Variants in DGKB observed in about 807,000 individuals in gnomAD.
The protein encoded by DGKB is diacylglycerol kinase beta.
A neutral mutation model predicts 114.3 loss-of-function variants in DGKB; 67 were observed. The ratio of observed to expected loss-of-function variants is 0.59; its 90% CI spans 0.48 to 0.72. DGKB has a LOEUF of 0.72. DGKB is among the 30% of genes least tolerant of loss of function. The pLI is 0.00. For missense variants in DGKB, 907 were observed against 975.2 expected (o/e 0.93, Z 0.93); for synonymous variants, 398 against 323.1 (o/e 1.23, Z -2.49).
intron 13 of DGKB, among the ~76,000 whole-genome samples, chr7:14,642,952 G>A (rs1449384038): frequency 6.6e-6 from 1 of 152,104 alleles, no homozygotes; most frequent in Non-Finnish European, 1.5e-5. Context: ...TAATGCTCAT[G>A]TATGGCTATA....
chr7:14,851,523 A>G (rs1048737649), intron 1 of DGKB, among the ~76,000 whole-genome samples: 3 of 152,104 alleles, frequency 2.0e-5, no homozygotes, highest in African/African-American at 4.8e-5. Context: ...GATAGATCCT[A>G]TTTTCCAAGA....
At chr7:14,598,726 ATAAAG>A (rs1266899939) in intron 17 of DGKB, among the ~76,000 whole-genome samples, 6 of 152,180 alleles carry the variant, frequency 3.9e-5, no homozygotes, top group Admixed American at 3.3e-4. Flanking sequence ...AAAATCTATT[ATAAAG>A]TAAATATTTA....
At chr7:14,733,835 A>T (rs78846875) in intron 5 of DGKB, among the ~76,000 whole-genome samples, 8,336 of 151,708 alleles carry the variant, frequency 0.055, 322 homozygotes, top group Admixed American at 0.11. Context: ...GGAGGGAAGG[A>T]AGAAAGGAAG....
chr7:14,639,165 C>A (rs539159027), intron 13 of DGKB, among the ~76,000 whole-genome samples: 1 of 151,962 alleles, frequency 6.6e-6, no homozygotes, highest in South Asian at 2.1e-4. Context: ...AGCTCTGGAA[C>A]TGGATAACAT....
At chr7:14,557,902 A>C (rs897372819) in intron 20 of DGKB, among the ~76,000 whole-genome samples, 15 of 151,654 alleles carry the variant, frequency 9.9e-5, no homozygotes, top group African/African-American at 3.1e-4. Flanking sequence ...ATTTTCCTGC[A>C]ACATTGGTTG....
At chr7:14,576,196 T>C (rs966970715) in intron 19 of DGKB, among the ~76,000 whole-genome samples, 2 of 152,194 alleles carry the variant, frequency 1.3e-5, no homozygotes, top group African/African-American at 4.8e-5. Flanking sequence ...TTTTACAGTA[T>C]AATTTGAAGC....
chr7:14,768,430 A>G lies in DGKB; in HGVS notation c.71-10699T>C, dbSNP rs115242825. Among the ~76,000 whole-genome samples, 996 of 148,118 alleles carry G rather than the reference A, an allele frequency of 6.7e-3. 12 individuals carry two copies. The highest frequency in any genetic ancestry group is 0.025 in the African/African-American group (943 of 38,090). On this transcript the variant is annotated intron_variant, in intron 2 of 25. Transcript: ENST00000402815. The stretch of plus-strand genomic sequence containing the variant: ...AATACTTAAGGACTCTTCCAGGTAC[A>G]GCATTCTCTGATTCTATGATAGTGC...
At chr7:14,581,522 G>C (rs946898195) in intron 18 of DGKB, among the ~76,000 whole-genome samples, 1 of 152,158 alleles carries the variant, frequency 6.6e-6, no homozygotes, top group Admixed American at 6.5e-5. Flanking sequence ...AGATCAGCAG[G>C]TTTTCCATGA....
chr7:14,269,935 G>C (rs992034326), intron 23 of DGKB, among the ~76,000 whole-genome samples: 11 of 148,214 alleles, frequency 7.4e-5, no homozygotes, highest in Middle Eastern at 3.6e-3. Flanking sequence ...ATAAAATTAA[G>C]ACAAGGAATT....
At chr7:14,207,747 C>A (rs539333816) in intron 23 of DGKB, among the ~76,000 whole-genome samples, 2 of 151,868 alleles carry the variant, frequency 1.3e-5, no homozygotes, top group Admixed American at 1.3e-4. Flanking sequence ...AGGTGGCAAC[C>A]TTTTTTTACT....
intron 23 of DGKB, among the ~76,000 whole-genome samples, chr7:14,256,852 T>TATC: frequency 6.6e-6 from 1 of 152,186 alleles, no homozygotes; most frequent in Non-Finnish European, 1.5e-5. Flanking sequence ...TTTCTATATG[T>TATC]ATCTCTTCTA....
Position 14,682,596 on chromosome 7 carries a change from T to C in DGKB, c.992A>G (p.Tyr331Cys). The C allele has an allele frequency of 6.2e-7, 1 of 1,613,602 alleles. No individual in the cohort carries two copies. The highest frequency in any genetic ancestry group is 8.5e-7 in the Non-Finnish European group (1 of 1,179,612). ...ACAATGCAGTCCTGTCAGGCCCTGG[T>C]AACATTTAACAGTTTTGTGGCACTT... ...CDKCHKTVKC[Y>C]QGLTGLHCVW... is the part of the protein sequence containing the mutation. The change falls in exon 12 of 26, where the codon TAC becomes TGC. Residue 331 changes from tyrosine to cysteine, a missense_variant. By Grantham distance (194) the Tyr-to-Cys change is radical. Transcript: ENST00000402815.
chr7:14,632,453 C>A (rs909002284), intron 13 of DGKB, among the ~76,000 whole-genome samples: 2 of 151,336 alleles, frequency 1.3e-5, no homozygotes, highest in African/African-American at 4.8e-5. Flanking sequence ...GAAATTATGG[C>A]AACACAATAG....
intron 21 of DGKB, among the ~76,000 whole-genome samples, chr7:14,436,181 C>G (rs1431865000): frequency 6.6e-6 from 1 of 152,058 alleles, no homozygotes. Context: ...CTGTAGTGTA[C>G]ATTTAAAATG....
intron 1 of DGKB, among the ~76,000 whole-genome samples, chr7:14,858,701 G>A (rs1037358854): frequency 6.6e-6 from 1 of 152,098 alleles, no homozygotes; most frequent in African/African-American, 2.4e-5. Context: ...AAAAGAGAAA[G>A]ATCAACCAGA....
At chr7:14,631,538 T>A (rs1162656207) in intron 13 of DGKB, among the ~76,000 whole-genome samples, 1 of 152,046 alleles carries the variant, frequency 6.6e-6, no homozygotes, top group African/African-American at 2.4e-5. Flanking sequence ...GTATGAGCTC[T>A]GGCCAACTAT....
intron 23 of DGKB, among the ~76,000 whole-genome samples, chr7:14,300,716 G>A (rs760055226): frequency 6.6e-6 from 1 of 152,038 alleles, no homozygotes; most frequent in African/African-American, 2.4e-5. Context: ...AGGACATGAA[G>A]AATCCAGTTT....
intron 23 of DGKB, among the ~76,000 whole-genome samples, chr7:14,205,227 A>G (rs1188856192): frequency 2.0e-5 from 3 of 151,894 alleles, no homozygotes; most frequent in African/African-American, 7.3e-5. Context: ...ATTCATCCTG[A>G]TATCTGCCTC....
At chr7:14,421,330 C>G (rs972763121) in intron 21 of DGKB, among the ~76,000 whole-genome samples, 7 of 152,034 alleles carry the variant, frequency 4.6e-5, no homozygotes, top group African/African-American at 1.7e-4. Flanking sequence ...GCCTAGATGA[C>G]TCACGATCAG....
Sources: allele counts gnomAD v4.1 joint callset (sites outside exome capture counted in the v4.1 genomes callset), GRCh38; gene constraint gnomAD v4.1.1; transcripts MANE v1.5; gene names NCBI Gene and HGNC (gene_info 2026-07-23, HGNC 2026-07-21).